Variants in SPAG16 observed in about 807,000 individuals in gnomAD.
The protein encoded by SPAG16 is sperm-associated antigen 16 protein.
SPAG16 carries 86 observed loss-of-function variants against 80.4 expected under a neutral mutation model. That is an observed-to-expected ratio of 1.07 (90% CI 0.90 to 1.28). SPAG16 has a LOEUF of 1.28. Ranked by LOEUF, SPAG16 falls within the 50% of genes most tolerant of loss-of-function variation. The probability of loss-of-function intolerance (pLI) is 0.00; values close to 1 mark genes in which losing one functional copy is unlikely to be tolerated. For missense variants in SPAG16, 870 were observed against 765.3 expected, an observed-to-expected ratio of 1.14 and a Z score of -1.61; for synonymous variants, 294 against 265.9, an observed-to-expected ratio of 1.11 and a Z score of -1.03.
chr2:213,788,619 G>C (rs1478093384), intron 10 of SPAG16, among the ~76,000 whole-genome samples: 1 of 151,824 alleles, frequency 6.6e-6, no homozygotes, highest in African/African-American at 2.4e-5. Context: ...TCTTCCCCTA[G>C]AGGAGCCTGA....
intron 9 of SPAG16, among the ~76,000 whole-genome samples, chr2:213,442,726 A>T (rs2071047142): frequency 6.6e-6 from 1 of 152,152 alleles, no homozygotes; most frequent in African/African-American, 2.4e-5. Flanking sequence ...TAAAAAAATA[A>T]ATCTAGACAC....
At chr2:213,976,589 TG>T (rs2045420742) in intron 12 of SPAG16, among the ~76,000 whole-genome samples, 2 of 152,052 alleles carry the variant, frequency 1.3e-5, no homozygotes, top group African/African-American at 4.8e-5. Context: ...ATCATGTGCA[TG>T]GAGAAATTTT....
intron 10 of SPAG16, among the ~76,000 whole-genome samples, chr2:213,671,618 A>G (rs2063815317): frequency 6.6e-6 from 1 of 152,182 alleles, no homozygotes; most frequent in Non-Finnish European, 1.5e-5. Flanking sequence ...GCTCTAAATA[A>G]CTTAATGACT....
At chr2:213,434,142 A>G (rs532040010) in intron 9 of SPAG16, among the ~76,000 whole-genome samples, 122 of 151,458 alleles carry the variant, frequency 8.1e-4, no homozygotes, top group Non-Finnish European at 1.3e-3. Context: ...CTGGTCTCGA[A>G]CTCCTGACCT....
At chr2:213,606,749 C>A (rs2061275498) in intron 10 of SPAG16, among the ~76,000 whole-genome samples, 1 of 152,208 alleles carries the variant, frequency 6.6e-6, no homozygotes, top group South Asian at 2.1e-4. Context: ...CAGCAGATTT[C>A]TGTGTCTCTC....
At chr2:213,560,766 T>C (rs886915262) in intron 10 of SPAG16, among the ~76,000 whole-genome samples, 3 of 152,228 alleles carry the variant, frequency 2.0e-5, no homozygotes, top group Non-Finnish European at 2.9e-5. Context: ...TTTCTTTTTA[T>C]AAATTTAGTT....
chr2:214,410,024 C>T, intron 15 of SPAG16, 116 bp from the exon 16 acceptor site: 1 of 1,089,044 alleles, frequency 9.2e-7, no homozygotes, highest in Non-Finnish European at 1.3e-6. Flanking sequence ...TAATAACTGA[C>T]CCCTAACACA....
At chr2:213,905,829 A>G (rs113406752) in intron 11 of SPAG16, among the ~76,000 whole-genome samples, 175 of 152,260 alleles carry the variant, frequency 1.1e-3, no homozygotes, top group Non-Finnish European at 2.0e-3. Context: ...GTGAAGTTAG[A>G]GAAAATGTCT....
rs189089140 is a variant in SPAG16, at chr2:213,547,558, T to A, written c.1070+57468T>A. Among the ~76,000 whole-genome samples the A allele has an allele frequency of 3.0e-4, 45 of 152,322 alleles. 1 individual carries two copies. Among genetic ancestry groups the A allele is most frequent in the African/African-American group, 1.0e-3 (43 of 41,590 alleles). On this transcript the variant is annotated intron_variant, in intron 10 of 15. Coordinates refer to ENST00000331683, the MANE Select transcript of SPAG16 (RefSeq NM_024532.5). ...AAGAACAGTGTAATTGATTTTTAAATCATGACATTTTAAATCATGGTATAC... is the reference window on the plus strand; with the variant it reads ...AAGAACAGTGTAATTGATTTTTAAAACATGACATTTTAAATCATGGTATAC...
chr2:213,716,478 A>G (rs1484407777), intron 10 of SPAG16, among the ~76,000 whole-genome samples: 2 of 152,232 alleles, frequency 1.3e-5, no homozygotes, highest in African/African-American at 2.4e-5. Context: ...GAAAGTAACA[A>G]CTATGTTTTC....
At chr2:214,400,747 GT>G (rs1350861976) in intron 15 of SPAG16, among the ~76,000 whole-genome samples, 1 of 151,992 alleles carries the variant, frequency 6.6e-6, no homozygotes, top group East Asian at 1.9e-4. Context: ...ACTTCCATGT[GT>G]TTGATGTCCA....
At chr2:214,175,732 A>G (rs994669319) in intron 15 of SPAG16, among the ~76,000 whole-genome samples, 2 of 151,688 alleles carry the variant, frequency 1.3e-5, no homozygotes, top group South Asian at 2.1e-4. Context: ...AAAAGCAAGA[A>G]AACAGTTCCT....
chr2:214,246,821 C>T (rs1190708889), intron 15 of SPAG16, among the ~76,000 whole-genome samples: 1 of 151,982 alleles, frequency 6.6e-6, no homozygotes, highest in African/African-American at 2.4e-5. Context: ...CAGTATCATT[C>T]CTTAGGTAAA....
intron 5 of SPAG16, among the ~76,000 whole-genome samples, chr2:213,324,400 C>G (rs2063757311): frequency 6.6e-6 from 1 of 152,048 alleles, no homozygotes; most frequent in South Asian, 2.1e-4. Context: ...TTTATCTATC[C>G]AGAAGTTTTC....
intron 12 of SPAG16, among the ~76,000 whole-genome samples, chr2:213,991,568 C>T (rs990938367): frequency 2.6e-5 from 4 of 152,120 alleles, no homozygotes; most frequent in Non-Finnish European, 5.9e-5. Context: ...CCCTGGTGCT[C>T]CTGGACCCCC....
intron 14 of SPAG16, among the ~76,000 whole-genome samples, chr2:214,139,913 CTT>C (rs1207091780): frequency 6.6e-6 from 1 of 152,190 alleles, no homozygotes; most frequent in Non-Finnish European, 1.5e-5. Context: ...AAGCTTAACT[CTT>C]TCAACCAATT....
intron 13 of SPAG16, among the ~76,000 whole-genome samples, chr2:214,042,417 A>C (rs966808560): frequency 1.0e-4 from 13 of 128,636 alleles, no homozygotes; most frequent in Admixed American, 2.7e-4. Flanking sequence ...CCCATGAAGA[A>C]GTAAAAACAA....
At chr2:214,100,825 C>T (rs1320032770) in intron 13 of SPAG16, among the ~76,000 whole-genome samples, 3 of 151,850 alleles carry the variant, frequency 2.0e-5, no homozygotes, top group Non-Finnish European at 4.4e-5. Flanking sequence ...CATGTCATTG[C>T]TATTATTAAT....
intron 13 of SPAG16, among the ~76,000 whole-genome samples, chr2:214,097,206 C>CT (rs1397808897): frequency 6.6e-6 from 1 of 152,052 alleles, no homozygotes; most frequent in Non-Finnish European, 1.5e-5. Flanking sequence ...CTGGCATAAA[C>CT]TTTAATTCTG....
Sources: allele counts gnomAD v4.1 joint callset (sites outside exome capture counted in the v4.1 genomes callset), GRCh38; gene constraint gnomAD v4.1.1; transcripts MANE v1.5; gene names NCBI Gene and HGNC (gene_info 2026-07-23, HGNC 2026-07-21).